Variants in ELAPOR2 observed in about 807,000 individuals in gnomAD.
The protein encoded by ELAPOR2 is endosome-lysosome associated apoptosis and autophagy regulator family member 2, also known as endosome/lysosome-associated apoptosis and autophagy regulator family member 2.
ELAPOR2 carries 89 observed loss-of-function variants against 120.7 expected under a neutral mutation model. The observed-to-expected ratio is 0.74, with a 90% confidence interval of 0.62 to 0.88. The LOEUF (loss-of-function observed/expected upper bound fraction) is 0.88, where lower values mean the gene tolerates loss of function less well. Among genes scored for constraint, ELAPOR2 ranks in the 40% least tolerant of loss-of-function variants. The probability of loss-of-function intolerance (pLI) is 0.00; values close to 1 mark genes in which losing one functional copy is unlikely to be tolerated. For missense variants in ELAPOR2, 1,134 were observed against 1,251.6 expected (o/e 0.91, Z 1.42); for synonymous variants, 444 against 444.9 (o/e 1.00, Z 0.03).
intron 1 of ELAPOR2, among the ~76,000 whole-genome samples, chr7:87,033,956 A>G (rs1794498861): frequency 6.6e-6 from 1 of 152,212 alleles, no homozygotes; most frequent in South Asian, 2.1e-4. Context: ...TGTTCAAAAC[A>G]CTATTTGTAA....
chr7:86,952,728 A>C (rs1471607499), intron 2 of ELAPOR2, among the ~76,000 whole-genome samples: 2 of 152,232 alleles, frequency 1.3e-5, no homozygotes, highest in African/African-American at 4.8e-5. Context: ...TTGTGGGAAT[A>C]AAGGAGATAT....
intron 1 of ELAPOR2, among the ~76,000 whole-genome samples, chr7:87,010,002 GAA>G (rs869088592): frequency 6.9e-6 from 1 of 145,258 alleles, no homozygotes; most frequent in South Asian, 2.1e-4. Flanking sequence ...AAGAAAGAAA[GAA>G]AAAAAGTCCA....
chr7:87,038,857 A>G (rs1794671906), intron 1 of ELAPOR2, among the ~76,000 whole-genome samples: 1 of 152,074 alleles, frequency 6.6e-6, no homozygotes, highest in Admixed American at 6.5e-5. Context: ...TAAATAAACA[A>G]TCTAATGATG....
chr7:86,976,272 A>T (rs994037665), intron 1 of ELAPOR2, among the ~76,000 whole-genome samples: 1 of 152,210 alleles, frequency 6.6e-6, no homozygotes, highest in Non-Finnish European at 1.5e-5. Flanking sequence ...AGGCAAGTAG[A>T]ATTGCACAAA....
intron 1 of ELAPOR2, among the ~76,000 whole-genome samples, chr7:87,020,521 G>A (rs1241513569): frequency 1.3e-5 from 2 of 151,966 alleles, no homozygotes; most frequent in Non-Finnish European, 2.9e-5. Context: ...AGGCTCAGAA[G>A]GTAACATATT....
intron 21 of ELAPOR2, among the ~76,000 whole-genome samples, chr7:86,885,062 G>A (rs1314750934): frequency 6.6e-6 from 1 of 152,132 alleles, no homozygotes; most frequent in Non-Finnish European, 1.5e-5. Context: ...ACTAGAGAAT[G>A]AGAAACTGAT....
chr7:87,035,584 T>C (rs1387184062), intron 1 of ELAPOR2, among the ~76,000 whole-genome samples: 1 of 152,184 alleles, frequency 6.6e-6, no homozygotes, highest in Non-Finnish European at 1.5e-5. Flanking sequence ...AATTCACATC[T>C]CAAGCCAATG....
At chr7:86,927,872 A>AT (rs1790147032) in intron 8 of ELAPOR2, among the ~76,000 whole-genome samples, 1 of 151,996 alleles carries the variant, frequency 6.6e-6, no homozygotes, top group Non-Finnish European at 1.5e-5. Flanking sequence ...TGCTAAAAGT[A>AT]TTTTTTCTCC....
intron 12 of ELAPOR2, 58 bp from the exon 13 acceptor site, chr7:86,914,918 C>A: frequency 7.8e-7 from 1 of 1,289,704 alleles, no homozygotes; most frequent in South Asian, 1.3e-5. Flanking sequence ...ATTAATATAC[C>A]TGTGTATATA....
chr7:86,888,140 C>T (rs1343108420), intron 21 of ELAPOR2, among the ~76,000 whole-genome samples: 2 of 152,072 alleles, frequency 1.3e-5, no homozygotes, highest in African/African-American at 4.8e-5. Flanking sequence ...TAATGACCAC[C>T]TGATGAGTGC....
chr7:86,976,111 T>G (rs761963876), intron 1 of ELAPOR2, among the ~76,000 whole-genome samples: 56 of 152,086 alleles, frequency 3.7e-4, no homozygotes, highest in Non-Finnish European at 6.5e-4. Context: ...CAGCACTGAT[T>G]CCACAACAAC....
At chr7:86,948,043 T>C in intron 2 of ELAPOR2, 121 bp from the exon 3 acceptor site, 1 of 680,902 alleles carries the variant, frequency 1.5e-6, no homozygotes, top group Non-Finnish European at 2.4e-6. Context: ...CGAAAGCCTT[T>C]CAAATTCCTC....
At chr7:86,940,325 A>C (rs1194936361) in intron 5 of ELAPOR2, among the ~76,000 whole-genome samples, 1 of 152,108 alleles carries the variant, frequency 6.6e-6, no homozygotes, top group Non-Finnish European at 1.5e-5. Context: ...CACAAAATAC[A>C]TTAAACAGAA....
At chr7:86,899,582 T>C (rs1788620116) in intron 18 of ELAPOR2, among the ~76,000 whole-genome samples, 1 of 152,144 alleles carries the variant, frequency 6.6e-6, no homozygotes, top group Non-Finnish European at 1.5e-5. Context: ...TAAAATTTCA[T>C]ACTGTTAGTT....
intron 1 of ELAPOR2, among the ~76,000 whole-genome samples, chr7:87,012,953 C>A (rs1793739480): frequency 6.6e-6 from 1 of 151,974 alleles, no homozygotes. Context: ...TAAAGCTGGC[C>A]CAAATAGGTT....
At chr7:86,905,076 AAGGAAG>A (rs1788915546) in intron 18 of ELAPOR2, among the ~76,000 whole-genome samples, 1 of 69,026 alleles carries the variant, frequency 1.4e-5, no homozygotes, top group African/African-American at 7.4e-5. Context: ...AGAGAGAAGG[AAGGAAG>A]GAAGGAAGGA....
intron 1 of ELAPOR2, among the ~76,000 whole-genome samples, chr7:86,972,600 T>C (rs1384736618): frequency 6.6e-6 from 1 of 151,678 alleles, no homozygotes; most frequent in African/African-American, 2.4e-5. Context: ...AAAAAAGTTT[T>C]TTGTTTTTTT....
In ELAPOR2 at chr7:86,942,031, C is replaced by T; in HGVS notation, c.728G>A (p.Trp243Ter). The T allele has an allele frequency of 6.5e-7, 1 of 1,545,110 alleles. No homozygotes were observed. Among genetic ancestry groups the T allele is most frequent in the Non-Finnish European group, 8.8e-7 (1 of 1,141,354 alleles). ...KWVKLTDNGE[W>*]GSHSVMLKSG... ...AAAGAGACTTACAGAATGAGAGCCC[C>T]ATTCTCCATTGTCTGTAAGTTTTAC... Residue 243 changes from tryptophan (W) to a stop codon, truncating the protein, a stop_gained, in exon 5 of 22, where the codon TGG becomes TAG. Coordinates refer to ENST00000450689, the MANE Select transcript of ELAPOR2 (RefSeq NM_001142749.3). LOFTEE classifies it high-confidence loss of function.
intron 10 of ELAPOR2, among the ~76,000 whole-genome samples, chr7:86,922,555 TATAG>T (rs1474280873): frequency 6.6e-6 from 1 of 151,950 alleles, no homozygotes; most frequent in Non-Finnish European, 1.5e-5. Context: ...GAGCTTTTAT[TATAG>T]ATAATTTTGT....
Sources: gnomAD v4.1 joint callset for allele counts (sites outside exome capture counted in the v4.1 genomes callset) on GRCh38, gnomAD v4.1.1 for gene constraint, MANE v1.5 for transcripts, NCBI Gene and HGNC (gene_info 2026-07-23, HGNC 2026-07-21) for gene names.